The following ADGRL2 variants were observed in gnomAD, a reference collection of about 807,000 sequenced individuals.
ADGRL2 encodes the protein calcium-independent alpha-latrotoxin receptor 2.
In ADGRL2, 44 loss-of-function variants were observed where a neutral mutation model predicts 157.4. The observed-to-expected ratio is 0.28, with a 90% CI of 0.22 to 0.36. ADGRL2 has a LOEUF of 0.36. Ranked by LOEUF, ADGRL2 falls within the 10% of genes least tolerant of loss-of-function variation. ADGRL2 has a pLI of 1.00. For missense variants in ADGRL2, 1,510 were observed against 1,768.9 expected, an observed-to-expected ratio of 0.85 and a Z score of 2.63; for synonymous variants, 585 against 624.7, an observed-to-expected ratio of 0.94 and a Z score of 0.95.
chr1:81,950,462 C>A lies in ADGRL2; in HGVS notation c.1484C>A (p.Pro495Gln). The A allele has an allele frequency of 9.9e-6, 16 of 1,613,770 alleles. No individual in the cohort carries two copies. Among genetic ancestry groups the A allele is most frequent in the Non-Finnish European group, 1.4e-5 (16 of 1,179,788 alleles). The change falls in exon 7 of 24, where the codon CCA (proline) becomes CAA (glutamine). Residue 495 changes from proline (P) to glutamine (Q), a missense_variant. This residue lies in a region of ADGRL2 where 325 missense variants were observed against 333.2 expected (regional missense o/e 0.98). Coordinates refer to ENST00000686636, the MANE Select transcript of ADGRL2 (RefSeq NM_001366006.2). ...CAAAGGGGAATGATGGTTGAACGAC[C>A]ATGCCCTAAGGGAACAAGAGGTATT... ...QTQRGMMVER[P>Q]CPKGTRGTAS...
chr1:81,650,018 G>A (rs920042083), intron 3 of ADGRL2, among the ~76,000 whole-genome samples: 1 of 151,262 alleles, frequency 6.6e-6, no homozygotes, highest in Non-Finnish European at 1.5e-5. Context: ...AAGTTTGTGG[G>A]GTTATTTGTG....
chr1:81,650,954 G>A (rs1482422512), intron 3 of ADGRL2, among the ~76,000 whole-genome samples: 5 of 152,132 alleles, frequency 3.3e-5, no homozygotes, highest in Non-Finnish European at 7.4e-5. Flanking sequence ...CTTGTACCTG[G>A]CATGTTTCCC....
rs552255926 is a variant in ADGRL2 at position 81,623,225 on chromosome 1, CA to C, written c.-143+42246del. Among the ~76,000 whole-genome samples the C allele has an allele frequency of 1.1e-4, 16 of 152,186 alleles. No individual in the cohort carries two copies. The East Asian group carries it at 3.1e-3, about 29-fold the overall frequency. On this transcript the variant is annotated intron_variant, in intron 3 of 24. Coordinates refer to the ADGRL2 transcript ENST00000370721. ...ATAACTTGGAACTGAAAGTTTGGACCAGGGGAGATGCAGTAACAATGAAAGT... is the reference window on the plus strand; with the variant it reads ...ATAACTTGGAACTGAAAGTTTGGACCGGGGAGATGCAGTAACAATGAAAGT...
At chr1:81,935,349 GTTAC>G (rs1447374193) in intron 3 of ADGRL2, among the ~76,000 whole-genome samples, 10 of 151,864 alleles carry the variant, frequency 6.6e-5, no homozygotes, top group Non-Finnish European at 1.0e-4. Flanking sequence ...CATGATAAAA[GTTAC>G]TTATACTTTA....
chr1:81,553,933 T>A (rs888063589), intron 2 of ADGRL2, among the ~76,000 whole-genome samples: 2 of 152,214 alleles, frequency 1.3e-5, no homozygotes, highest in Admixed American at 1.3e-4. Context: ...TTTGCTTATG[T>A]ATGGGCAGGT....
chr1:81,895,359 T>C (rs2094359730), intron 2 of ADGRL2, among the ~76,000 whole-genome samples: 1 of 151,860 alleles, frequency 6.6e-6, no homozygotes, highest in South Asian at 2.1e-4. Context: ...TTCATCTACA[T>C]TGTGGTCACT....
At chr1:81,578,921 A>G (rs2080850685) in intron 2 of ADGRL2, among the ~76,000 whole-genome samples, 1 of 152,192 alleles carries the variant, frequency 6.6e-6, no homozygotes, top group Admixed American at 6.6e-5. Flanking sequence ...TTAGAAAATC[A>G]TATAAAATAT....
intron 1 of ADGRL2, among the ~76,000 whole-genome samples, chr1:81,701,003 A>G (rs1176523620): frequency 6.6e-6 from 1 of 152,214 alleles, no homozygotes; most frequent in Non-Finnish European, 1.5e-5. Context: ...AAATACTTGC[A>G]CTTGCTCATT....
At chr1:81,463,559 G>C (rs931439226) in intron 2 of ADGRL2, among the ~76,000 whole-genome samples, 2 of 152,192 alleles carry the variant, frequency 1.3e-5, no homozygotes, top group African/African-American at 4.8e-5. Flanking sequence ...AGAATGAAAA[G>C]GAGGTTTTCC....
chr1:81,615,657 T>C (rs2081629638), intron 3 of ADGRL2, among the ~76,000 whole-genome samples: 1 of 152,202 alleles, frequency 6.6e-6, no homozygotes, highest in African/African-American at 2.4e-5. Flanking sequence ...GGACACACTA[T>C]CTTGGTTTCT....
At chr1:81,951,146 C>A (rs746760491) in intron 8 of ADGRL2, 25 bp downstream of exon 8, 27 of 1,461,144 alleles carry the variant, frequency 1.8e-5, no homozygotes, top group Non-Finnish European at 1.8e-5. Flanking sequence ...TTTAATATGA[C>A]ACATTGGTGA....
At chr1:81,777,761 C>A (rs964091578) in intron 2 of ADGRL2, among the ~76,000 whole-genome samples, 3 of 152,006 alleles carry the variant, frequency 2.0e-5, no homozygotes, top group Non-Finnish European at 4.4e-5. Flanking sequence ...GACTCTGTTT[C>A]AACAAAATTT....
At chr1:81,883,900 T>C (rs1297531831) in intron 2 of ADGRL2, among the ~76,000 whole-genome samples, 1 of 152,192 alleles carries the variant, frequency 6.6e-6, no homozygotes, top group Non-Finnish European at 1.5e-5. Context: ...GCTGCAGATA[T>C]TAAGAGAAAA....
At chr1:81,824,829 A>C (rs1476796835) in intron 1 of ADGRL2, among the ~76,000 whole-genome samples, 1 of 152,194 alleles carries the variant, frequency 6.6e-6, no homozygotes, top group African/African-American at 2.4e-5. Flanking sequence ...AGTAAAAGTC[A>C]GTTTCAGAGG....
intron 1 of ADGRL2, among the ~76,000 whole-genome samples, chr1:81,391,157 A>C (rs554647088): frequency 2.0e-5 from 3 of 152,420 alleles, no homozygotes; most frequent in African/African-American, 7.2e-5. Context: ...CTTATCTGAA[A>C]CTCACCAAAA....
intron 3 of ADGRL2, among the ~76,000 whole-genome samples, chr1:81,664,724 C>T (rs113194785): frequency 2.3e-4 from 35 of 152,232 alleles, no homozygotes; most frequent in African/African-American, 7.7e-4. Context: ...TTTTAGTCTA[C>T]AAATGATATA....
At chr1:81,966,366 G>GT (rs1657041745) in intron 12 of ADGRL2, 38 bp from the exon 13 acceptor site, 4 of 1,583,050 alleles carry the variant, frequency 2.5e-6, no homozygotes, top group African/African-American at 1.3e-5. Context: ...TAACAAGCAT[G>GT]TTTTTTGTAC....
At chr1:81,610,580 G>C (rs1288572548) in intron 3 of ADGRL2, among the ~76,000 whole-genome samples, 1 of 152,158 alleles carries the variant, frequency 6.6e-6, no homozygotes, top group African/African-American at 2.4e-5. Context: ...TTTTTAGTAA[G>C]GGAGCAACAT....
chr1:81,574,974 C>T (rs749019764), intron 2 of ADGRL2, among the ~76,000 whole-genome samples: 7 of 152,206 alleles, frequency 4.6e-5, no homozygotes, highest in Non-Finnish European at 7.3e-5. Context: ...TAGAGGCTAG[C>T]GCCTAAATTT....
Sources: allele counts gnomAD v4.1 joint callset (sites outside exome capture counted in the v4.1 genomes callset), GRCh38; gene constraint gnomAD v4.1.1; regional missense constraint gnomAD v4.1.1; transcripts MANE v1.5; gene names NCBI Gene and HGNC (gene_info 2026-07-23, HGNC 2026-07-21).